ZNF804B: variants seen among roughly 807,000 people sequenced by gnomAD.
ZNF804B encodes zinc finger 804B.
Under a neutral mutation model 101.4 loss-of-function variants are expected in ZNF804B, and 80 were observed. That is an observed-to-expected ratio of 0.79 (90% confidence interval 0.66 to 0.95). ZNF804B has a LOEUF of 0.95. Ranked by LOEUF, ZNF804B falls within the 40% of genes least tolerant of loss-of-function variation. ZNF804B has a pLI of 0.00. For missense variants in ZNF804B, 1,673 were observed against 1,561.9 expected, an observed-to-expected ratio of 1.07 and a Z score of -1.20; for synonymous variants, 622 against 558.8, an observed-to-expected ratio of 1.11 and a Z score of -1.59.
Position 89,334,318 on chromosome 7 carries a change from G to A in ZNF804B, c.1336G>A (p.Val446Ile), listed in dbSNP as rs370284629. The change falls in exon 4 of 4, where the codon GTT (valine) becomes ATT (isoleucine). Residue 446 changes from valine (V) to isoleucine (I), a missense_variant. Coordinates refer to ENST00000333190, the MANE Select transcript of ZNF804B (RefSeq NM_181646.5). ...VASKPLPFLH[V>I]QSKDGHTTLQ... The stretch of plus-strand genomic sequence containing the variant: ...ATCTAAACCACTACCTTTTCTCCAC[G>A]TTCAAAGCAAGGATGGCCACACCAC... The A allele has an allele frequency of 8.1e-6, 13 of 1,613,648 alleles. No homozygotes were observed. Among genetic ancestry groups the A allele is most frequent in the African/African-American group, 6.7e-5 (5 of 74,880 alleles).
At chr7:89,128,834 A>G (rs1485657453) in intron 1 of ZNF804B, among the ~76,000 whole-genome samples, 1 of 152,028 alleles carries the variant, frequency 6.6e-6, no homozygotes, top group Non-Finnish European at 1.5e-5. Flanking sequence ...GGGAGTGAGA[A>G]CCAGCTCTGT....
chr7:89,102,875 G>A (rs1013874282), intron 1 of ZNF804B, among the ~76,000 whole-genome samples: 4 of 151,534 alleles, frequency 2.6e-5, no homozygotes. Context: ...GTGAGAGATA[G>A]GTGTCCAGCT....
chr7:88,798,939 G>A (rs117237399), intron 1 of ZNF804B, among the ~76,000 whole-genome samples: 1,750 of 152,206 alleles, frequency 0.011, 20 homozygotes, highest in Non-Finnish European at 0.019. Context: ...TCTACCCAGA[G>A]TGATCTGTTT....
intron 1 of ZNF804B, among the ~76,000 whole-genome samples, chr7:89,079,268 A>AC (rs1789659039): frequency 6.6e-6 from 1 of 150,928 alleles, no homozygotes; most frequent in African/African-American, 2.4e-5. Flanking sequence ...TTACATGGTC[A>AC]TTTTTTTTTC....
intron 1 of ZNF804B, among the ~76,000 whole-genome samples, chr7:88,798,426 A>G (rs921290726): frequency 3.3e-5 from 5 of 152,126 alleles, no homozygotes; most frequent in Admixed American, 2.0e-4. Context: ...CATATGAACT[A>G]TCATTTCTGT....
At chr7:89,219,909 A>G (rs1584063190) in intron 2 of ZNF804B, among the ~76,000 whole-genome samples, 1 of 147,870 alleles carries the variant, frequency 6.8e-6, no homozygotes, top group South Asian at 2.2e-4. Context: ...ATGTGTGTGC[A>G]TATATATGTA....
intron 1 of ZNF804B, among the ~76,000 whole-genome samples, chr7:89,191,865 A>T (rs925497022): frequency 6.6e-6 from 1 of 152,120 alleles, no homozygotes; most frequent in African/African-American, 2.4e-5. Flanking sequence ...TGGATGTTTT[A>T]GCAGTTCATC....
chr7:88,907,845 C>T lies in ZNF804B; in HGVS notation c.108+147761C>T, dbSNP rs140726542. On this transcript the variant is annotated intron_variant, in intron 1 of 3. Coordinates refer to ENST00000333190, the MANE Select transcript of ZNF804B (RefSeq NM_181646.5). ...ACCTACTAAATAAATCCATGCTAGC[C>T]GACTTAATTCATTCAGTCAGAAAAA... is the stretch of plus-strand genomic sequence containing the variant. Among the ~76,000 whole-genome samples the T allele has an allele frequency of 4.5e-3, 685 of 151,962 alleles. 7 individuals are homozygous for T. Among genetic ancestry groups the T allele is most frequent in the African/African-American group, 0.016 (654 of 41,514 alleles).
At chr7:88,883,202 A>G (rs117627890) in intron 1 of ZNF804B, among the ~76,000 whole-genome samples, 1 of 152,230 alleles carries the variant, frequency 6.6e-6, no homozygotes, top group Non-Finnish European at 1.5e-5. Flanking sequence ...ATTGTTTAAA[A>G]TGATTATTTA....
intron 1 of ZNF804B, among the ~76,000 whole-genome samples, chr7:88,964,855 G>A (rs1031083228): frequency 6.6e-6 from 1 of 151,466 alleles, no homozygotes; most frequent in South Asian, 2.1e-4. Context: ...CTCCACAGCT[G>A]CAAGGAAGTC....
intron 2 of ZNF804B, among the ~76,000 whole-genome samples, chr7:89,247,797 A>G (rs923393131): frequency 6.6e-6 from 1 of 152,164 alleles, no homozygotes; most frequent in African/African-American, 2.4e-5. Context: ...CAAAGCATGG[A>G]TTACAAGGAA....
chr7:89,327,152 C>G (rs1790908375), intron 2 of ZNF804B, among the ~76,000 whole-genome samples, 192 bp from the exon 3 acceptor site: 1 of 147,048 alleles, frequency 6.8e-6, no homozygotes, highest in South Asian at 2.1e-4. Flanking sequence ...GAAAAATAAC[C>G]TGGTTGACAA....
chr7:89,073,813 C>T (rs905865424), intron 1 of ZNF804B, among the ~76,000 whole-genome samples: 7 of 151,972 alleles, frequency 4.6e-5, no homozygotes, highest in African/African-American at 9.7e-5. Flanking sequence ...TTAAAAAATC[C>T]GCTTTTTATT....
intron 1 of ZNF804B, among the ~76,000 whole-genome samples, chr7:88,932,401 G>C (rs1792900420): frequency 6.6e-6 from 1 of 151,512 alleles, no homozygotes; most frequent in African/African-American, 2.4e-5. Flanking sequence ...ACAAAGATCA[G>C]AGCAAAAATA....
intron 2 of ZNF804B, among the ~76,000 whole-genome samples, chr7:89,272,165 C>A (rs1208847): frequency 6.6e-6 from 1 of 152,014 alleles, no homozygotes; most frequent in Non-Finnish European, 1.5e-5. Context: ...TCAGTATCTG[C>A]GCTCATATTG....
intron 1 of ZNF804B, among the ~76,000 whole-genome samples, chr7:88,793,246 A>G (rs142675654): frequency 6.6e-5 from 10 of 152,262 alleles, no homozygotes; most frequent in African/African-American, 2.4e-4. Flanking sequence ...GAAGGGATCA[A>G]CTTGAAATTG....
At chr7:89,239,202 G>C (rs1042621246) in intron 2 of ZNF804B, among the ~76,000 whole-genome samples, 20 of 152,114 alleles carry the variant, frequency 1.3e-4, no homozygotes, top group African/African-American at 4.3e-4. Flanking sequence ...GTTTGTGCAG[G>C]ACAGAGTCTG....
At chr7:89,236,659 G>T (rs1789286389) in intron 2 of ZNF804B, among the ~76,000 whole-genome samples, 1 of 151,988 alleles carries the variant, frequency 6.6e-6, no homozygotes, top group Admixed American at 6.6e-5. Flanking sequence ...TTAAAATTAT[G>T]TTTATGTTTG....
intron 1 of ZNF804B, among the ~76,000 whole-genome samples, chr7:88,896,212 G>GAAGC (rs1792283050): frequency 6.6e-6 from 1 of 152,140 alleles, no homozygotes. Flanking sequence ...AAATCCAAAT[G>GAAGC]AAGCATAGAG....
Sources: gnomAD v4.1 joint callset for allele counts (sites outside exome capture counted in the v4.1 genomes callset) on GRCh38, gnomAD v4.1.1 for gene constraint, MANE v1.5 for transcripts, NCBI Gene and HGNC (gene_info 2026-07-23, HGNC 2026-07-21) for gene names.